CDK13: variants seen among roughly 807,000 people sequenced by gnomAD.
CDK13 encodes cyclin-dependent kinase 13.
CDK13 carries 40 observed loss-of-function variants against 137.6 expected under a neutral mutation model. The ratio of observed to expected loss-of-function variants is 0.29; its 90% CI spans 0.23 to 0.38. The LOEUF (loss-of-function observed/expected upper bound fraction) is 0.38, where lower values mean the gene tolerates loss of function less well. Ranked by LOEUF, CDK13 falls within the 10% of genes least tolerant of loss-of-function variation. The pLI is 1.00. For missense variants in CDK13, 1,704 were observed against 1,951.8 expected (o/e 0.87, Z 2.39); for synonymous variants, 869 against 760.1 (o/e 1.14, Z -2.36).
intron 6 of CDK13, 77 bp downstream of exon 6, chr7:40,046,102 C>A: frequency 1.1e-6 from 1 of 935,862 alleles, no homozygotes; most frequent in Non-Finnish European, 1.6e-6. Flanking sequence ...GACTGGAAAC[C>A]GTAGCGGCGG....
At chr7:40,015,519 A>T (rs1784986056) in intron 5 of CDK13, among the ~76,000 whole-genome samples, 1 of 152,212 alleles carries the variant, frequency 6.6e-6, no homozygotes, top group Admixed American at 6.5e-5. Flanking sequence ...TTATTTAGTG[A>T]TATAGTGCAT....
chr7:40,078,607 T>A (rs1326027724), intron 10 of CDK13, 113 bp from the exon 11 acceptor site: 1 of 493,992 alleles, frequency 2.0e-6, no homozygotes, highest in Non-Finnish European at 3.1e-6. Context: ...CAATTATTTT[T>A]AAATGATCTT....
At chr7:39,978,215 G>A (rs1163937670) in intron 1 of CDK13, among the ~76,000 whole-genome samples, 1 of 152,090 alleles carries the variant, frequency 6.6e-6, no homozygotes, top group Non-Finnish European at 1.5e-5. Flanking sequence ...CTCAAGGTGC[G>A]GAAACAGCCA....
rs190148382 is a variant in CDK13, at chr7:39,967,729, T to A, written c.1211+15877T>A. Among the ~76,000 whole-genome samples, 451 of 152,332 alleles carry A rather than the reference T, an allele frequency of 3.0e-3. 1 individual carries two copies. Among genetic ancestry groups the A allele is most frequent in the Admixed American group, 4.4e-3 (67 of 15,304 alleles). ...AGCAGTGCACAAGGGTCTCCTTTTC[T>A]GTATACACTTGCCAACACTTGTTAT... On this transcript the variant is annotated intron_variant, in intron 1 of 13. Transcript: ENST00000181839.
chr7:39,951,099 C>A lies in CDK13; in HGVS notation c.458C>A (p.Ser153Tyr), dbSNP rs1279892568. Reference sequence around the variant, plus strand: ...GAATACGAGGATGTGAGCTCCCAGTCCGAGCAGGGGCTGCTGCTGGGGGGG... The same window carrying A: ...GAATACGAGGATGTGAGCTCCCAGTACGAGCAGGGGCTGCTGCTGGGGGGG... ...LVEYEDVSSQ[S>Y]EQGLLLGGAS... The change falls in exon 1 of 14, where the codon TCC (serine) becomes TAC (tyrosine). Residue 153 changes from serine (S) to tyrosine (Y), a missense_variant. Physicochemically the swap from Ser to Tyr is moderately radical, Grantham distance 144 (BLOSUM62 -2). Transcript: ENST00000181839. 1 of 1,259,324 alleles carries A rather than the reference C, an allele frequency of 7.9e-7. No homozygotes were observed. Among genetic ancestry groups the A allele is most frequent in the South Asian group, 3.2e-5 (1 of 31,296 alleles). The allele number at this position is 1,259,324 out of a possible 1,614,324, so 78.0% of individuals were successfully genotyped here. A position where few individuals can be genotyped will look rare whatever the true frequency, so the allele number is the denominator to read the frequency against.
intron 5 of CDK13, among the ~76,000 whole-genome samples, chr7:40,035,323 C>G (rs1164678273): frequency 6.6e-6 from 1 of 152,114 alleles, no homozygotes; most frequent in Admixed American, 6.6e-5. Context: ...CCAGGGTTTC[C>G]CAGCCCCCAG....
chr7:40,089,723 AGT>A lies in CDK13; in HGVS notation c.3235+1423_3235+1424del, dbSNP rs142023627. Among the ~76,000 whole-genome samples the A allele has an allele frequency of 6.8e-3, 854 of 124,918 alleles. 5 individuals are homozygous for A. Among genetic ancestry groups the A allele is most frequent in the Middle Eastern group, 0.012 (3 of 248 alleles). 82.0% of individuals were successfully genotyped at this position (124,918 alleles called of 152,430 possible). On this transcript the variant is annotated intron_variant, in intron 12 of 13. Coordinates refer to ENST00000181839, the MANE Select transcript of CDK13 (RefSeq NM_003718.5). ...TAGAGAGAGAGAGAGAGAGAGAGAGAGTGTGTGTGTGTGTGTGTGTGTGTGTG... is the reference window on the plus strand; with the variant it reads ...TAGAGAGAGAGAGAGAGAGAGAGAGAGTGTGTGTGTGTGTGTGTGTGTGTG...
intron 1 of CDK13, among the ~76,000 whole-genome samples, chr7:39,969,494 A>T (rs1208863477): frequency 6.6e-6 from 1 of 152,188 alleles, no homozygotes; most frequent in Admixed American, 6.5e-5. Flanking sequence ...ATTTGAGTAC[A>T]GGTCTTTTGT....
At position 39,950,470 on chromosome 7, in the gene CDK13, C is replaced by G; in HGVS notation, c.-172C>G. The G allele has an allele frequency of 4.8e-6, 6 of 1,257,350 alleles. No homozygotes were observed. The South Asian group carries it at 1.6e-4, about 33-fold the overall frequency. The allele number at this position is 1,257,350 out of a possible 1,614,324, so 77.9% of individuals were successfully genotyped here. A position where few individuals can be genotyped will look rare whatever the true frequency, so the allele number is the denominator to read the frequency against. ...GAGGCTGCTGCGTACCCCACTGTGA[C>G]CTGGAACCCAGGGACCCGAGTCCCG... On this transcript the variant is annotated 5_prime_UTR_variant, in exon 1 of 14. Coordinates refer to ENST00000181839, the MANE Select transcript of CDK13 (RefSeq NM_003718.5).
At chr7:40,036,496 TG>T (rs1041501167) in intron 5 of CDK13, among the ~76,000 whole-genome samples, 1 of 152,088 alleles carries the variant, frequency 6.6e-6, no homozygotes, top group Non-Finnish European at 1.5e-5. Flanking sequence ...TGCCTGAACC[TG>T]GGAGGTGGAG....
intron 1 of CDK13, among the ~76,000 whole-genome samples, chr7:39,970,488 TCTTA>T (rs963816184): frequency 2.7e-4 from 40 of 150,616 alleles, no homozygotes; most frequent in African/African-American, 8.9e-4. Context: ...TGAGACGGAG[TCTTA>T]CTTCTTCGTC....
chr7:40,023,128 T>C (rs989033623), intron 5 of CDK13, among the ~76,000 whole-genome samples: 1 of 151,488 alleles, frequency 6.6e-6, no homozygotes, highest in African/African-American at 2.4e-5. Flanking sequence ...AGTCTTACTC[T>C]GTTGACCAGG....
chr7:40,062,827 CG>C lies in CDK13; in HGVS notation c.2604del (p.Pro869ArgfsTer6). 1 of 1,606,238 alleles carries C rather than the reference CG, an allele frequency of 6.2e-7. No homozygotes were observed. Among genetic ancestry groups the C allele is most frequent in the East Asian group, 2.2e-5 (1 of 44,832 alleles). On this transcript the variant is annotated frameshift_variant and splice_region_variant, in exon 8 of 14. Coordinates refer to ENST00000181839, the MANE Select transcript of CDK13 (RefSeq NM_003718.5). LOFTEE classifies it high-confidence loss of function. ...AAGACTGTTTTCTGTGTTTTTTAGT[CG>C]GCCGTATACTAACAAGGTAATTACT... ...LARLYSSEESRPYTNKVITLW... is the reference protein window; with the variant it reads ...LARLYSSEESXPYTNKVITLW...
At chr7:39,951,882 C>A in intron 1 of CDK13, 30 bp downstream of exon 1, 1 of 1,334,544 alleles carries the variant, frequency 7.5e-7, no homozygotes, top group Non-Finnish European at 9.6e-7. Flanking sequence ...CTGTGTGTGC[C>A]TTGGCTGCGC....
chr7:40,035,902 C>T (rs1378784018), intron 5 of CDK13, among the ~76,000 whole-genome samples: 1 of 151,800 alleles, frequency 6.6e-6, no homozygotes, highest in Admixed American at 6.6e-5. Context: ...TGGCTTCCAC[C>T]CGTAATCCAG....
At chr7:40,073,267 A>C (rs868295965) in intron 9 of CDK13, 1 of 152,252 alleles carries the variant, frequency 6.6e-6, no homozygotes, top group Non-Finnish European at 1.5e-5. Context: ...TATATGATTT[A>C]TATACCTGGA....
At chr7:39,975,723 C>CCTT (rs1282583999) in intron 1 of CDK13, among the ~76,000 whole-genome samples, 2 of 152,134 alleles carry the variant, frequency 1.3e-5, no homozygotes, top group East Asian at 3.9e-4. Context: ...AGAAGCTTGA[C>CCTT]CTTCTGCAAA....
At position 39,974,951 on chromosome 7, in the gene CDK13, C is replaced by G. The variant is rs191096901; in HGVS notation, c.1212-12648C>G. On this transcript the variant is annotated intron_variant, in intron 1 of 13. Transcript: ENST00000181839. Reference sequence around the variant, plus strand: ...GAACAGAGGAATGAGAAGGGACTTTCTTGTCTTGTTCCTCATTTAGTCTTT... The same window carrying G: ...GAACAGAGGAATGAGAAGGGACTTTGTTGTCTTGTTCCTCATTTAGTCTTT... Among the ~76,000 whole-genome samples, 291 of 152,180 alleles carry G rather than the reference C, an allele frequency of 1.9e-3. 2 individuals carry two copies. Among genetic ancestry groups the G allele is most frequent in the Admixed American group, 0.013 (195 of 15,280 alleles).
Position 39,976,323 on chromosome 7 carries a change from T to TCTCTCA in CDK13, c.1212-11275_1212-11274insTCTCAC. Among the ~76,000 whole-genome samples, 226 of 39,548 alleles carry TCTCTCA rather than the reference T, an allele frequency of 5.7e-3. 2 individuals carry two copies. The highest frequency in any genetic ancestry group is 0.014 in the African/African-American group (206 of 14,588). 25.9% of individuals were successfully genotyped at this position (39,548 alleles called of 152,430 possible). On this transcript the variant is annotated intron_variant, in intron 1 of 13. Coordinates refer to ENST00000181839, the MANE Select transcript of CDK13 (RefSeq NM_003718.5). ...CTCTCTCTCTCTCTCTCTCTCTCTC[T>TCTCTCA]CACACACACACACACACACACACAC...
Sources: allele counts gnomAD v4.1 joint callset (sites outside exome capture counted in the v4.1 genomes callset), GRCh38; gene constraint gnomAD v4.1.1; transcripts MANE v1.5; gene names NCBI Gene and HGNC (gene_info 2026-07-23, HGNC 2026-07-21).